Variants in CLYBL observed in about 807,000 individuals in gnomAD.
The protein encoded by CLYBL is citramalyl-CoA lyase, mitochondrial.
CLYBL carries 31 observed loss-of-function variants against 38.9 expected under a neutral mutation model. The observed-to-expected ratio is 0.80, with a 90% CI of 0.60 to 1.08. CLYBL has a LOEUF of 1.08. CLYBL is among the 50% of genes least tolerant of loss of function. CLYBL has a pLI of 0.00. For missense variants in CLYBL, 434 were observed against 411.6 expected, an observed-to-expected ratio of 1.05 and a Z score of -0.47; for synonymous variants, 171 against 158.6, an observed-to-expected ratio of 1.08 and a Z score of -0.59.
chr13:99,808,831 A>T (rs1395713447), intron 2 of CLYBL, among the ~76,000 whole-genome samples: 1 of 152,220 alleles, frequency 6.6e-6, no homozygotes, highest in East Asian at 1.9e-4. Context: ...CCATGTTGAA[A>T]AGCTGCCTTC....
chr13:99,660,992 A>G (rs1304164668), intron 1 of CLYBL, among the ~76,000 whole-genome samples: 1 of 152,164 alleles, frequency 6.6e-6, no homozygotes, highest in Non-Finnish European at 1.5e-5. Context: ...TGGGTTTTTC[A>G]CTTTAAATGA....
At chr13:99,723,631 A>C (rs761860528) in intron 1 of CLYBL, among the ~76,000 whole-genome samples, 1 of 152,216 alleles carries the variant, frequency 6.6e-6, no homozygotes, top group Non-Finnish European at 1.5e-5. Context: ...GGAGTGTTTT[A>C]AACCTTCGTA....
chr13:99,651,275 CAAG>C (rs1316207298), intron 1 of CLYBL, among the ~76,000 whole-genome samples: 1 of 152,232 alleles, frequency 6.6e-6, no homozygotes, highest in African/African-American at 2.4e-5. Flanking sequence ...AAGCACATGA[CAAG>C]AACTGAATAA....
At chr13:99,625,908 C>G (rs1043144042) in intron 1 of CLYBL, among the ~76,000 whole-genome samples, 4 of 152,174 alleles carry the variant, frequency 2.6e-5, no homozygotes, top group Non-Finnish European at 4.4e-5. Context: ...CCAGAAGGTG[C>G]TTTGGCGCAT....
At chr13:99,784,472 T>A (rs1485491584) in intron 2 of CLYBL, among the ~76,000 whole-genome samples, 1 of 126,742 alleles carries the variant, frequency 7.9e-6, no homozygotes, top group African/African-American at 3.7e-5. Flanking sequence ...TTTTTTTTTT[T>A]GAGATGGACT....
chr13:99,668,308 C>T (rs1017863346), intron 1 of CLYBL, among the ~76,000 whole-genome samples: 6 of 149,308 alleles, frequency 4.0e-5, no homozygotes, highest in Middle Eastern at 3.8e-3. Flanking sequence ...CACTGGCGGC[C>T]GGGCATGGTA....
chr13:99,808,077 T>G (rs1305741952), intron 2 of CLYBL, among the ~76,000 whole-genome samples: 25 of 151,932 alleles, frequency 1.6e-4, no homozygotes, highest in Admixed American at 1.5e-3. Flanking sequence ...TGTTTTTGTT[T>G]TTGTTGTTGT....
chr13:99,701,371 C>T (rs552331402), intron 1 of CLYBL, among the ~76,000 whole-genome samples: 17 of 152,130 alleles, frequency 1.1e-4, no homozygotes, highest in East Asian at 3.9e-4. Flanking sequence ...AGTGCAGTGG[C>T]GGGATCTCGG....
intron 1 of CLYBL, among the ~76,000 whole-genome samples, chr13:99,692,952 C>T (rs1047819378): frequency 6.6e-6 from 1 of 152,112 alleles, no homozygotes; most frequent in Non-Finnish European, 1.5e-5. Context: ...TAGGAATATA[C>T]CCCATTATCC....
intron 1 of CLYBL, among the ~76,000 whole-genome samples, chr13:99,614,270 C>T (rs76920622): frequency 5.3e-4 from 81 of 152,066 alleles, no homozygotes; most frequent in Non-Finnish European, 8.8e-4. Context: ...ATTCTAGAAC[C>T]GAGAGAGAGT....
chr13:99,742,873 G>A (rs1237326223), intron 1 of CLYBL, among the ~76,000 whole-genome samples: 2 of 152,116 alleles, frequency 1.3e-5, no homozygotes, highest in Non-Finnish European at 2.9e-5. Flanking sequence ...AACATCATCT[G>A]TTTTCCTTCT....
intron 2 of CLYBL, among the ~76,000 whole-genome samples, chr13:99,785,770 G>C (rs1421555142): frequency 6.6e-6 from 1 of 151,860 alleles, no homozygotes; most frequent in Non-Finnish European, 1.5e-5. Context: ...TAATTTTTTT[G>C]TATTTTTAGT....
At chr13:99,626,214 G>A (rs944124815) in intron 1 of CLYBL, among the ~76,000 whole-genome samples, 2 of 152,246 alleles carry the variant, frequency 1.3e-5, no homozygotes, top group African/African-American at 4.8e-5. Context: ...CCTCTGGGCA[G>A]AGTTTAAAGT....
intron 1 of CLYBL, among the ~76,000 whole-genome samples, chr13:99,730,825 G>T (rs545497419): frequency 7.9e-5 from 12 of 152,288 alleles, no homozygotes; most frequent in African/African-American, 2.4e-4. Flanking sequence ...GCTCACGCCT[G>T]TAATCCTAGC....
intron 1 of CLYBL, among the ~76,000 whole-genome samples, chr13:99,633,948 A>G (rs1360507385): frequency 6.6e-6 from 1 of 152,180 alleles, no homozygotes; most frequent in Non-Finnish European, 1.5e-5. Context: ...CAAAAAAGAG[A>G]TTAGGGCAGA....
Position 99,853,321 on chromosome 13 carries a change from A to G in CLYBL, c.250-5540A>G, listed in dbSNP as rs1231544768. ...CAGCCTTCTTAGTCTTTTGAATGAAAGCCAATTTAGCATTTCACTATAAAC... is the reference window on the plus strand; with the variant it reads ...CAGCCTTCTTAGTCTTTTGAATGAAGGCCAATTTAGCATTTCACTATAAAC... On this transcript the variant is annotated intron_variant, in intron 2 of 8. Transcript: ENST00000339105. Among the ~76,000 whole-genome samples the G allele has an allele frequency of 1.3e-5, 2 of 152,028 alleles. 1 individual carries two copies. Among genetic ancestry groups the G allele is most frequent in the African/African-American group, 4.8e-5 (2 of 41,452 alleles).
chr13:99,742,133 T>C (rs1204693501), intron 1 of CLYBL, among the ~76,000 whole-genome samples: 2 of 152,244 alleles, frequency 1.3e-5, no homozygotes, highest in Non-Finnish European at 2.9e-5. Flanking sequence ...CACTAATTTG[T>C]ACCTTGGAAC....
At chr13:99,839,142 G>A (rs2051008007) in intron 2 of CLYBL, among the ~76,000 whole-genome samples, 1 of 152,224 alleles carries the variant, frequency 6.6e-6, no homozygotes. Context: ...TGCACTTACA[G>A]GTGGGGCATA....
At chr13:99,611,603 C>T (rs2046627859) in intron 1 of CLYBL, among the ~76,000 whole-genome samples, 1 of 152,130 alleles carries the variant, frequency 6.6e-6, no homozygotes, top group Non-Finnish European at 1.5e-5. Context: ...TCTGATATTG[C>T]CTTGGTCTGG....
Sources: gnomAD v4.1 joint callset for allele counts (sites outside exome capture counted in the v4.1 genomes callset) on GRCh38, gnomAD v4.1.1 for gene constraint, MANE v1.5 for transcripts, NCBI Gene and HGNC (gene_info 2026-07-23, HGNC 2026-07-21) for gene names.